NEK11: variants seen among roughly 807,000 people sequenced by gnomAD.
The protein encoded by NEK11 is NIMA related kinase 11.
A neutral mutation model predicts 80.7 loss-of-function variants in NEK11; 72 were observed. The ratio of observed to expected loss-of-function variants is 0.89; its 90% CI spans 0.74 to 1.08. The LOEUF is 1.08. Among genes scored for constraint, NEK11 ranks in the 50% least tolerant of loss-of-function variants. The probability of loss-of-function intolerance (pLI) is 0.00; values close to 1 mark genes in which losing one functional copy is unlikely to be tolerated. For synonymous variants in NEK11, 251 were observed against 260.7 expected, an observed-to-expected ratio of 0.96 and a Z score of 0.36; for missense variants, 764 against 763.6, an observed-to-expected ratio of 1.00 and a Z score of -0.01.
intron 17 of NEK11, chr3:131,329,725 A>C: frequency 6.6e-6 from 1 of 152,258 alleles, no homozygotes; most frequent in Non-Finnish European, 1.5e-5. Flanking sequence ...AAACATATGA[A>C]TATCCAGAGA....
At chr3:131,069,545 T>C (rs970979836) in intron 3 of NEK11, among the ~76,000 whole-genome samples, 4 of 152,052 alleles carry the variant, frequency 2.6e-5, no homozygotes. Context: ...TATTGCGGCA[T>C]TATTCGCAAT....
chr3:131,262,177 A>G (rs1482300408), intron 16 of NEK11, among the ~76,000 whole-genome samples: 1 of 152,182 alleles, frequency 6.6e-6, no homozygotes, highest in Admixed American at 6.5e-5. Context: ...CAGATAAATT[A>G]GATGAAATGG....
intron 15 of NEK11, among the ~76,000 whole-genome samples, chr3:131,232,300 T>C (rs1280558963): frequency 1.3e-5 from 2 of 152,200 alleles, no homozygotes; most frequent in African/African-American, 4.8e-5. Context: ...CTAATGGACA[T>C]GGCTTAGGGC....
chr3:131,243,096 A>G (rs1303714376), intron 15 of NEK11, among the ~76,000 whole-genome samples: 1 of 152,170 alleles, frequency 6.6e-6, no homozygotes, highest in African/African-American at 2.4e-5. Flanking sequence ...CTATGTTTAT[A>G]GATTTAATAT....
chr3:131,346,933 G>A (rs2097372168), intron 17 of NEK11, among the ~76,000 whole-genome samples: 1 of 152,164 alleles, frequency 6.6e-6, no homozygotes, highest in Admixed American at 6.5e-5. Context: ...CAAAACCAGA[G>A]ACAGCAAGAA....
intron 17 of NEK11, among the ~76,000 whole-genome samples, chr3:131,289,874 C>G (rs1038178977): frequency 1.3e-5 from 2 of 152,148 alleles, no homozygotes; most frequent in African/African-American, 4.8e-5. Flanking sequence ...TGCAACACAG[C>G]TTGGAGAAAT....
intron 15 of NEK11, among the ~76,000 whole-genome samples, chr3:131,232,429 G>A (rs754340174): frequency 3.9e-5 from 6 of 152,168 alleles, no homozygotes; most frequent in African/African-American, 1.4e-4. Flanking sequence ...CATACTAGGT[G>A]GACAATAATG....
intron 14 of NEK11, among the ~76,000 whole-genome samples, chr3:131,211,607 A>G (rs914420704): frequency 2.6e-5 from 4 of 152,210 alleles, no homozygotes; most frequent in African/African-American, 9.7e-5. Flanking sequence ...AGTTACACCA[A>G]TCAAACATAG....
intron 3 of NEK11, among the ~76,000 whole-genome samples, chr3:131,050,003 A>T (rs904736387): frequency 6.6e-6 from 1 of 151,488 alleles, no homozygotes; most frequent in African/African-American, 2.4e-5. Flanking sequence ...TATGGCCCCT[A>T]TTGAAAAGCC....
intron 17 of NEK11, among the ~76,000 whole-genome samples, chr3:131,296,730 G>T (rs1016850228): frequency 6.6e-6 from 1 of 151,656 alleles, no homozygotes; most frequent in African/African-American, 2.4e-5. Flanking sequence ...TTACATATGT[G>T]TACATGTGCC....
chr3:131,048,294 T>A (rs911598195), intron 3 of NEK11, among the ~76,000 whole-genome samples: 8 of 152,138 alleles, frequency 5.3e-5, no homozygotes, highest in Admixed American at 1.3e-4. Flanking sequence ...ATTCGCCCCC[T>A]CCCCCAGGTT....
chr3:131,132,136 C>T (rs537882029), intron 5 of NEK11, among the ~76,000 whole-genome samples: 5 of 151,560 alleles, frequency 3.3e-5, no homozygotes, highest in East Asian at 3.9e-4. Context: ...TTGAATAATT[C>T]GCAGGGATTT....
chr3:131,128,568 T>A (rs897476214), intron 5 of NEK11, among the ~76,000 whole-genome samples: 3 of 152,230 alleles, frequency 2.0e-5, no homozygotes, highest in African/African-American at 7.2e-5. Context: ...TGAAGGACAC[T>A]TTTGTTGCTT....
intron 4 of NEK11, among the ~76,000 whole-genome samples, chr3:131,091,114 A>G (rs1484221691): frequency 6.6e-6 from 1 of 152,334 alleles, no homozygotes; most frequent in East Asian, 1.9e-4. Context: ...TTTCTTGAGG[A>G]TAAACATGTA....
intron 17 of NEK11, among the ~76,000 whole-genome samples, chr3:131,339,557 G>A (rs955521892): frequency 6.6e-6 from 1 of 152,206 alleles, no homozygotes; most frequent in Non-Finnish European, 1.5e-5. Context: ...GATTTCTTCA[G>A]CTGTGTGAAT....
chr3:131,073,199 C>CT (rs2073743489), intron 3 of NEK11, among the ~76,000 whole-genome samples: 1 of 152,110 alleles, frequency 6.6e-6, no homozygotes, highest in Non-Finnish European at 1.5e-5. Context: ...TTCTATTTTG[C>CT]TTATTTATAC....
chr3:131,118,888 G>C (rs1175027868), intron 5 of NEK11, among the ~76,000 whole-genome samples: 1 of 151,984 alleles, frequency 6.6e-6, no homozygotes. Context: ...CTTGCTAGCT[G>C]TCTATCAATT....
chr3:131,276,538 A>G lies in NEK11; in HGVS notation c.1718+2964A>G, dbSNP rs77972372. Among the ~76,000 whole-genome samples, 1,379 of 152,322 alleles carry G rather than the reference A, an allele frequency of 9.1e-3. 22 individuals are homozygous for G. The highest frequency in any genetic ancestry group is 0.031 in the African/African-American group (1,288 of 41,570). ...GATGTTCACTTCTGTATTTACCAGTATAGACTTCATCTGGATTTGCCAGTT... is the reference window on the plus strand; with the variant it reads ...GATGTTCACTTCTGTATTTACCAGTGTAGACTTCATCTGGATTTGCCAGTT... On this transcript the variant is annotated intron_variant, in intron 17 of 17. Coordinates refer to ENST00000383366, the MANE Select transcript of NEK11 (RefSeq NM_024800.5).
intron 14 of NEK11, among the ~76,000 whole-genome samples, chr3:131,217,821 A>C (rs1327084417): frequency 6.6e-6 from 1 of 152,212 alleles, no homozygotes; most frequent in Non-Finnish European, 1.5e-5. Context: ...CAATTATAAA[A>C]GCGAATCTTT....
Sources: allele counts gnomAD v4.1 joint callset (sites outside exome capture counted in the v4.1 genomes callset), GRCh38; gene constraint gnomAD v4.1.1; transcripts MANE v1.5; gene names NCBI Gene and HGNC (gene_info 2026-07-23, HGNC 2026-07-21).